The following LGSN variants were observed in gnomAD, a reference collection of about 807,000 sequenced individuals.
The protein encoded by LGSN is lengsin, lens protein with glutamine synthetase domain.
In LGSN, 21 loss-of-function variants were observed where a neutral mutation model predicts 19.5. The observed-to-expected ratio is 1.07, with a 90% confidence interval of 0.76 to 1.55. The LOEUF (loss-of-function observed/expected upper bound fraction) is 1.55. Among genes scored for constraint, LGSN ranks in the 40% most tolerant of loss-of-function variants. The probability of loss-of-function intolerance (pLI) is 0.00; values close to 1 mark genes in which losing one functional copy is unlikely to be tolerated. For missense variants in LGSN, 673 were observed against 608.5 expected (o/e 1.11, Z -1.12); for synonymous variants, 257 against 215.6 (o/e 1.19, Z -1.68).
At chr6:63,424,262 C>G in the LGSN span, among the ~76,000 whole-genome samples, 18 of 151,888 alleles carry the variant, frequency 1.2e-4, no homozygotes, top group African/African-American at 4.4e-4. Context: ...AAATAAACTA[C>G]CAAAACTCAT....
chr6:63,377,728 C>T, the LGSN span, among the ~76,000 whole-genome samples: 6 of 151,852 alleles, frequency 4.0e-5, no homozygotes, highest in South Asian at 1.2e-3. Context: ...GCCTGGCCAA[C>T]ATGATGAAAC....
chr6:63,296,555 C>T (rs1183324986), intron 1 of LGSN, among the ~76,000 whole-genome samples: 1 of 151,210 alleles, frequency 6.6e-6, no homozygotes, highest in Non-Finnish European at 1.5e-5. Context: ...AAATACTTAG[C>T]CAGGTATATA....
At chr6:63,449,330 A>G in the LGSN span, among the ~76,000 whole-genome samples, 1 of 152,042 alleles carries the variant, frequency 6.6e-6, no homozygotes, top group Non-Finnish European at 1.5e-5. Flanking sequence ...GCGGATCACA[A>G]GGTCAAGAGA....
At chr6:63,550,970 A>C in the LGSN span, among the ~76,000 whole-genome samples, 213 of 152,220 alleles carry the variant, frequency 1.4e-3, no homozygotes, top group African/African-American at 5.1e-3. Flanking sequence ...TTGAGAATCT[A>C]ATTGTATATA....
chr6:63,298,494 G>C (rs1463418024), intron 1 of LGSN, among the ~76,000 whole-genome samples: 3 of 152,118 alleles, frequency 2.0e-5, no homozygotes, highest in Non-Finnish European at 2.9e-5. Context: ...CCAGGATTTT[G>C]TGTTCTATCC....
the LGSN span, among the ~76,000 whole-genome samples, chr6:63,346,746 G>A: frequency 6.6e-6 from 1 of 151,924 alleles, no homozygotes; most frequent in Non-Finnish European, 1.5e-5. Flanking sequence ...ACTCTAGGTA[G>A]ATATTACCAG....
At chr6:63,439,677 T>C in the LGSN span, among the ~76,000 whole-genome samples, 16,905 of 152,112 alleles carry the variant, frequency 0.11, 1,955 homozygotes, top group African/African-American at 0.29. Context: ...TCAATTCTAA[T>C]TCCCCCCATC....
At chr6:63,392,454 C>T in the LGSN span, 1 of 152,374 alleles carries the variant, frequency 6.6e-6, no homozygotes, top group Non-Finnish European at 1.5e-5. Context: ...CTAATCCATC[C>T]TGGCCACCCT....
At chr6:63,449,229 G>A in the LGSN span, among the ~76,000 whole-genome samples, 1 of 152,088 alleles carries the variant, frequency 6.6e-6, no homozygotes, top group South Asian at 2.1e-4. Context: ...GAAAGAGAGA[G>A]CCAACATAAA....
the LGSN span, chr6:63,572,815 C>T: frequency 2.5e-6 from 1 of 396,656 alleles, no homozygotes; most frequent in Non-Finnish European, 4.5e-6. Context: ...GCGTCTCCTC[C>T]AGGTTGCCCC....
the LGSN span, among the ~76,000 whole-genome samples, chr6:63,325,706 T>C: frequency 1.3e-5 from 2 of 152,264 alleles, no homozygotes; most frequent in South Asian, 2.1e-4. Flanking sequence ...AGTTTGTTCC[T>C]TCTGATGTTC....
intron 1 of LGSN, among the ~76,000 whole-genome samples, chr6:63,305,079 T>G (rs547833373): frequency 5.1e-4 from 78 of 152,230 alleles, no homozygotes; most frequent in Non-Finnish European, 9.9e-4. Flanking sequence ...ACAAAATCAC[T>G]CATGCTAATA....
At chr6:63,372,116 G>T in the LGSN span, among the ~76,000 whole-genome samples, 1 of 152,192 alleles carries the variant, frequency 6.6e-6, no homozygotes, top group African/African-American at 2.4e-5. Flanking sequence ...CTCTGCTTAT[G>T]CTACTACTCT....
chr6:63,444,008 C>G, the LGSN span, among the ~76,000 whole-genome samples: 1 of 150,286 alleles, frequency 6.7e-6, no homozygotes, highest in African/African-American at 2.4e-5. Context: ...AGTAATTAAA[C>G]AAAAAATGCC....
chr6:63,338,172 C>T, the LGSN span, among the ~76,000 whole-genome samples: 2 of 152,156 alleles, frequency 1.3e-5, no homozygotes, highest in African/African-American at 2.4e-5. Context: ...AGGCATGAGC[C>T]ACCGTGCCCA....
the LGSN span, among the ~76,000 whole-genome samples, chr6:63,553,329 C>T: frequency 6.7e-4 from 102 of 152,294 alleles, 1 homozygote; most frequent in Non-Finnish European, 8.5e-4. Context: ...GTTAGCGACT[C>T]GGGTTCAGAT....
At chr6:63,381,195 C>G in the LGSN span, among the ~76,000 whole-genome samples, 3 of 152,136 alleles carry the variant, frequency 2.0e-5, no homozygotes, top group Non-Finnish European at 2.9e-5. Flanking sequence ...GAGTGAGACC[C>G]TGTCTCAAAG....
the LGSN span, among the ~76,000 whole-genome samples, chr6:63,339,161 A>C: frequency 6.6e-6 from 1 of 152,176 alleles, no homozygotes; most frequent in African/African-American, 2.4e-5. Context: ...CTGTTAGATG[A>C]AATGTTCTGT....
the LGSN span, among the ~76,000 whole-genome samples, chr6:63,431,195 T>C: frequency 0.6 from 91,299 of 151,978 alleles, 27,735 homozygotes; most frequent in African/African-American, 0.64. Context: ...AGACAATAAC[T>C]ACCTTGCCTT....
Sources: gnomAD v4.1 joint callset for allele counts (sites outside exome capture counted in the v4.1 genomes callset) on GRCh38, gnomAD v4.1.1 for gene constraint, MANE v1.5 for transcripts, NCBI Gene and HGNC (gene_info 2026-07-23, HGNC 2026-07-21) for gene names.